DNER: variants seen among roughly 807,000 people sequenced by gnomAD.
DNER encodes delta and Notch-like epidermal growth factor-related receptor.
A neutral mutation model predicts 78.2 loss-of-function variants in DNER; 33 were observed. The observed-to-expected ratio is 0.42, with a 90% CI of 0.32 to 0.56. DNER has a LOEUF of 0.56. DNER is among the 20% of genes least tolerant of loss of function. DNER has a pLI of 0.11. For synonymous variants in DNER, 417 were observed against 384.8 expected (o/e 1.08, Z -0.98); for missense variants, 918 against 975.3 (o/e 0.94, Z 0.78).
intron 11 of DNER, among the ~76,000 whole-genome samples, chr2:229,369,278 A>T (rs1692424871): frequency 6.6e-6 from 1 of 150,816 alleles, no homozygotes; most frequent in African/African-American, 2.4e-5. Context: ...CTAAAAAGTT[A>T]AAAAAAAGTT....
At chr2:229,553,267 T>C (rs1266515349) in intron 4 of DNER, among the ~76,000 whole-genome samples, 1 of 152,172 alleles carries the variant, frequency 6.6e-6, no homozygotes, top group Non-Finnish European at 1.5e-5. Flanking sequence ...TTCCAGTAGC[T>C]GTGGTCAATT....
chr2:229,364,441 C>T (rs571011438), intron 12 of DNER, among the ~76,000 whole-genome samples: 2 of 152,226 alleles, frequency 1.3e-5, no homozygotes, highest in South Asian at 4.1e-4. Context: ...GTCAAATAAA[C>T]AATTAAGGTG....
At chr2:229,380,064 C>G (rs1692700689) in intron 11 of DNER, among the ~76,000 whole-genome samples, 1 of 152,190 alleles carries the variant, frequency 6.6e-6, no homozygotes, top group South Asian at 2.1e-4. Flanking sequence ...AGTGAGTGAG[C>G]AGGTAAGAAG....
rs1184050138 is a variant in DNER at position 229,684,169 on chromosome 2, A to AGAGTGTGT, written c.276+29978_276+29979insACACACTC. 6.7e-4 allele frequency among the ~76,000 whole-genome samples: 63 copies of AGAGTGTGT among 94,612 alleles called. 2 individuals carry two copies. The highest frequency in any genetic ancestry group is 2.2e-3 in the African/African-American group (49 of 22,250). The allele number at this position is 94,612 out of a possible 152,430, so 62.1% of individuals were successfully genotyped here. A position where few individuals can be genotyped will look rare whatever the true frequency, so the allele number is the denominator to read the frequency against. ...GTGAGAGAGAGAGAGAGAGAGAGAG[A>AGAGTGTGT]GTGTGTGTGTGTGTGTGTGTGTGTG... is the stretch of plus-strand genomic sequence containing the variant. On this transcript the variant is annotated intron_variant, in intron 1 of 12. Transcript: ENST00000341772.
chr2:229,617,976 G>T (rs1698194791), intron 1 of DNER, among the ~76,000 whole-genome samples: 1 of 152,138 alleles, frequency 6.6e-6, no homozygotes, highest in African/African-American at 2.4e-5. Flanking sequence ...AAACAAAAAA[G>T]AAAAGAAATG....
chr2:229,671,682 C>T (rs1305190474), intron 1 of DNER, among the ~76,000 whole-genome samples: 1 of 152,194 alleles, frequency 6.6e-6, no homozygotes, highest in African/African-American at 2.4e-5. Context: ...TTTCCCAAGG[C>T]TGCTCAGAGA....
intron 1 of DNER, among the ~76,000 whole-genome samples, chr2:229,675,552 G>C (rs1699287411): frequency 6.6e-6 from 1 of 152,190 alleles, no homozygotes; most frequent in Non-Finnish European, 1.5e-5. Context: ...GGCAGACACA[G>C]GCTTTCCTGG....
intron 11 of DNER, among the ~76,000 whole-genome samples, chr2:229,372,008 T>C (rs1022102441): frequency 6.6e-6 from 1 of 152,148 alleles, no homozygotes; most frequent in Non-Finnish European, 1.5e-5. Context: ...GTCAGTGAGA[T>C]TGAAAAAGAT....
intron 1 of DNER, among the ~76,000 whole-genome samples, chr2:229,677,358 G>T (rs1295020337): frequency 6.6e-6 from 1 of 152,124 alleles, no homozygotes; most frequent in Non-Finnish European, 1.5e-5. Flanking sequence ...GATCACTCTG[G>T]ACAAGGAAAC....
At chr2:229,606,758 T>A (rs1697946340) in intron 1 of DNER, among the ~76,000 whole-genome samples, 1 of 152,068 alleles carries the variant, frequency 6.6e-6, no homozygotes. Context: ...CTGGGCGTGG[T>A]GGTGCGCTCC....
Position 229,521,348 on chromosome 2 carries a change from G to A in DNER, c.994-8412C>T, listed in dbSNP as rs144941192. On this transcript the variant is annotated intron_variant, in intron 5 of 12. Transcript: ENST00000341772. ...GACACAGCATTGGTCAGGGTCTAGC[G>A]AGAACTGACCATCACCCCAAATGCA... 3.2e-3 allele frequency among the ~76,000 whole-genome samples: 492 copies of A among 152,276 alleles called. 2 individuals are homozygous for A. Among genetic ancestry groups the A allele is most frequent in the Non-Finnish European group, 5.5e-3 (376 of 68,018 alleles).
intron 1 of DNER, among the ~76,000 whole-genome samples, chr2:229,658,980 G>A (rs1029173572): frequency 4.6e-5 from 7 of 152,028 alleles, no homozygotes; most frequent in African/African-American, 1.4e-4. Context: ...TTTTTTTAAC[G>A]TATCACGTCT....
chr2:229,708,245 G>A (rs899451160), intron 1 of DNER, among the ~76,000 whole-genome samples: 1 of 152,202 alleles, frequency 6.6e-6, no homozygotes, highest in Non-Finnish European at 1.5e-5. Context: ...GATGATAAGA[G>A]TCTAGCAGGA....
intron 11 of DNER, among the ~76,000 whole-genome samples, chr2:229,368,586 T>C (rs1322776808): frequency 6.6e-6 from 1 of 152,252 alleles, no homozygotes; most frequent in East Asian, 1.9e-4. Flanking sequence ...CAATATCTTA[T>C]GAGTTTAAAA....
intron 1 of DNER, among the ~76,000 whole-genome samples, chr2:229,610,270 G>A (rs1333672805): frequency 1.3e-5 from 2 of 152,184 alleles, no homozygotes; most frequent in Non-Finnish European, 2.9e-5. Flanking sequence ...CCACTGTGTC[G>A]TGCTGCAGAA....
intron 7 of DNER, among the ~76,000 whole-genome samples, chr2:229,457,457 T>G (rs1180844222): frequency 6.6e-6 from 1 of 151,966 alleles, no homozygotes; most frequent in Non-Finnish European, 1.5e-5. Context: ...CTAAGTAGAC[T>G]CTCATAAATT....
intron 1 of DNER, among the ~76,000 whole-genome samples, chr2:229,606,807 C>T (rs1050561638): frequency 1.3e-5 from 2 of 152,026 alleles, no homozygotes; most frequent in African/African-American, 4.8e-5. Flanking sequence ...GCAGGAGAAT[C>T]GCTTGAACCC....
chr2:229,560,232 T>C (rs1049808351), intron 4 of DNER, among the ~76,000 whole-genome samples: 2 of 152,226 alleles, frequency 1.3e-5, no homozygotes, highest in Non-Finnish European at 2.9e-5. Flanking sequence ...CTTCAGCCAT[T>C]TGGCTAAAGA....
intron 1 of DNER, among the ~76,000 whole-genome samples, chr2:229,628,564 A>G (rs2154215673): frequency 6.6e-6 from 1 of 152,256 alleles, no homozygotes; most frequent in African/African-American, 2.4e-5. Context: ...AAAATATTCA[A>G]CAGAAATAAC....
Sources: allele counts gnomAD v4.1 joint callset (sites outside exome capture counted in the v4.1 genomes callset), GRCh38; gene constraint gnomAD v4.1.1; transcripts MANE v1.5; gene names NCBI Gene and HGNC (gene_info 2026-07-23, HGNC 2026-07-21).